The following ATP8A2 variants were observed in gnomAD, a reference collection of about 807,000 sequenced individuals.
ATP8A2 encodes the protein phospholipid-transporting ATPase IB.
In ATP8A2, 100 loss-of-function variants were observed where a neutral mutation model predicts 165.6. The ratio of observed to expected loss-of-function variants is 0.60; its 90% CI spans 0.51 to 0.71. The LOEUF (loss-of-function observed/expected upper bound fraction) is 0.71, where lower values mean the gene tolerates loss of function less well. ATP8A2 is among the 30% of genes least tolerant of loss of function. The pLI is 0.00. For missense variants in ATP8A2, 1,227 were observed against 1,479.5 expected (o/e 0.83, Z 2.80); for synonymous variants, 543 against 548.8 (o/e 0.99, Z 0.15).
At chr13:25,686,879 G>A (rs544504505) in intron 24 of ATP8A2, among the ~76,000 whole-genome samples, 66 of 152,124 alleles carry the variant, frequency 4.3e-4, no homozygotes, top group African/African-American at 1.5e-3. Context: ...TCATGACACC[G>A]CGTTCTGTTT....
Position 26,013,674 on chromosome 13 carries a change from CAA to C in ATP8A2, c.3469+1066_3469+1067del, listed in dbSNP as rs752985920. On this transcript the variant is annotated intron_variant, in intron 36 of 36. Transcript: ENST00000381655. ...GGGCAACAAGAGCGAAACTTGGTCT[CAA>C]AAAAAAAAAAAAAGAAAGAAAGAAA... is the stretch of plus-strand genomic sequence containing the variant. Among the ~76,000 whole-genome samples, 20 of 144,328 alleles carry C rather than the reference CAA, an allele frequency of 1.4e-4. No individual in the cohort carries two copies. The South Asian group carries it at 3.2e-3, about 23-fold the overall frequency. The allele number at this position is 144,328 out of a possible 152,430, so 94.7% of individuals were successfully genotyped here.
chr13:25,413,377 G>A (rs1161921439), intron 1 of ATP8A2, among the ~76,000 whole-genome samples: 2 of 145,954 alleles, frequency 1.4e-5, no homozygotes, highest in East Asian at 4.2e-4. Context: ...CACCTCCCAG[G>A]TTCAAGCGAT....
intron 35 of ATP8A2, among the ~76,000 whole-genome samples, chr13:25,977,026 T>TCCACCCCCCACCCCCACCC (rs1555299943): frequency 4.8e-5 from 6 of 125,370 alleles, no homozygotes; most frequent in Non-Finnish European, 6.5e-5. Flanking sequence ...GACCTTGTGA[T>TCCACCCCCCACCCCCACCC]CCACCCCCAC....
At chr13:25,927,974 T>C (rs894869225) in intron 33 of ATP8A2, among the ~76,000 whole-genome samples, 2 of 152,276 alleles carry the variant, frequency 1.3e-5, no homozygotes, top group African/African-American at 4.8e-5. Flanking sequence ...ATTTCTCTTA[T>C]GTTTTGGCTT....
At chr13:25,805,687 G>C (rs1950718577) in intron 27 of ATP8A2, among the ~76,000 whole-genome samples, 1 of 152,174 alleles carries the variant, frequency 6.6e-6, no homozygotes, top group Non-Finnish European at 1.5e-5. Flanking sequence ...TGTAAACCAT[G>C]ATGGTGTTCC....
At chr13:25,499,354 C>A (rs1487738738) in intron 2 of ATP8A2, among the ~76,000 whole-genome samples, 1 of 152,194 alleles carries the variant, frequency 6.6e-6, no homozygotes, top group Non-Finnish European at 1.5e-5. Context: ...GAATCTGTAT[C>A]CGGTGGAATG....
intron 2 of ATP8A2, among the ~76,000 whole-genome samples, chr13:25,512,237 T>G (rs368475326): frequency 6.4e-4 from 97 of 152,290 alleles, no homozygotes; most frequent in South Asian, 2.3e-3. Context: ...CAAGGCAGAA[T>G]AATTTTTCTT....
intron 2 of ATP8A2, among the ~76,000 whole-genome samples, chr13:25,479,108 A>G (rs1290306831): frequency 6.6e-6 from 1 of 152,186 alleles, no homozygotes; most frequent in Non-Finnish European, 1.5e-5. Flanking sequence ...GGCCTCCCAA[A>G]GTACTGGGAT....
At chr13:25,765,265 A>G (rs1418876973) in intron 25 of ATP8A2, among the ~76,000 whole-genome samples, 3 of 152,228 alleles carry the variant, frequency 2.0e-5, no homozygotes, top group African/African-American at 7.2e-5. Context: ...TATTCATAAT[A>G]CACCAAAATA....
chr13:25,858,545 G>A (rs997133487), intron 30 of ATP8A2, among the ~76,000 whole-genome samples: 4 of 152,110 alleles, frequency 2.6e-5, no homozygotes, highest in African/African-American at 9.7e-5. Flanking sequence ...TGTGCCCAGG[G>A]GCTGGATTCG....
chr13:25,500,408 G>A (rs2036817961), intron 2 of ATP8A2, among the ~76,000 whole-genome samples: 1 of 152,042 alleles, frequency 6.6e-6, no homozygotes, highest in African/African-American at 2.4e-5. Context: ...ACTTACTAAA[G>A]GTTTTAAATG....
intron 24 of ATP8A2, among the ~76,000 whole-genome samples, chr13:25,605,055 G>A (rs2040481255): frequency 6.6e-6 from 1 of 152,216 alleles, no homozygotes; most frequent in Non-Finnish European, 1.5e-5. Context: ...AATGTCAACA[G>A]CGATGATGGT....
chr13:25,514,505 T>G (rs2037401332), intron 2 of ATP8A2, among the ~76,000 whole-genome samples: 1 of 152,138 alleles, frequency 6.6e-6, no homozygotes, highest in Non-Finnish European at 1.5e-5. Context: ...CTTTTAGACA[T>G]GAGTGTATGA....
intron 30 of ATP8A2, among the ~76,000 whole-genome samples, chr13:25,841,892 C>G (rs1185707219): frequency 6.6e-6 from 1 of 152,120 alleles, no homozygotes; most frequent in Admixed American, 6.5e-5. Flanking sequence ...GATGTGTCAT[C>G]CCATGGTGGA....
rs937709185 is a variant in ATP8A2, at chr13:25,953,338, C to T, written c.3184-8237C>T. On this transcript the variant is annotated intron_variant, in intron 33 of 36. Coordinates refer to ENST00000381655, the MANE Select transcript of ATP8A2 (RefSeq NM_016529.6). The surrounding 1 kb of genome is among the most constrained non-coding windows in gnomAD (Gnocchi z 6.7). Reference sequence around the variant, plus strand: ...TAAATTTTCTTCTGTAAAATGGGGACGGGGGGGATTAAATAAAATGCTTTA... The same window carrying T: ...TAAATTTTCTTCTGTAAAATGGGGATGGGGGGGATTAAATAAAATGCTTTA... Among the ~76,000 whole-genome samples the T allele has an allele frequency of 1.3e-5, 2 of 151,336 alleles. No homozygotes were observed. Among genetic ancestry groups the T allele is most frequent in the Admixed American group, 6.6e-5 (1 of 15,186 alleles).
chr13:26,000,814 C>G (rs1425116840), intron 35 of ATP8A2, among the ~76,000 whole-genome samples: 1 of 152,016 alleles, frequency 6.6e-6, no homozygotes, highest in Non-Finnish European at 1.5e-5. Flanking sequence ...AGGGAACTGA[C>G]CTTGATTTGG....
At chr13:25,823,228 G>T (rs924551250) in intron 27 of ATP8A2, among the ~76,000 whole-genome samples, 1 of 152,078 alleles carries the variant, frequency 6.6e-6, no homozygotes, top group Non-Finnish European at 1.5e-5. Context: ...CATTTGGCAT[G>T]TTTCTCTTAT....
chr13:25,920,173 C>T (rs940408021), intron 33 of ATP8A2, among the ~76,000 whole-genome samples: 1 of 152,166 alleles, frequency 6.6e-6, no homozygotes. Flanking sequence ...AACTCCTTCT[C>T]GGCCTTTTCC....
At chr13:25,719,770 G>A (rs1475181) in intron 25 of ATP8A2, among the ~76,000 whole-genome samples, 2 of 152,224 alleles carry the variant, frequency 1.3e-5, no homozygotes, top group African/African-American at 4.8e-5. Flanking sequence ...GCAGAATTAA[G>A]TGGGTAGAGG....
Sources: gnomAD v4.1 joint callset for allele counts (sites outside exome capture counted in the v4.1 genomes callset) on GRCh38, gnomAD v4.1.1 for gene constraint, Gnocchi (gnomAD v3.1) non-coding constraint, MANE v1.5 for transcripts, NCBI Gene and HGNC (gene_info 2026-07-23, HGNC 2026-07-21) for gene names.